The following SNAP91 variants were observed in gnomAD, a reference collection of about 807,000 sequenced individuals.
SNAP91 encodes synaptosome associated protein 91.
Under a neutral mutation model 100.3 loss-of-function variants are expected in SNAP91, and 27 were observed. That is an observed-to-expected ratio of 0.27 (90% confidence interval 0.20 to 0.37). The LOEUF (loss-of-function observed/expected upper bound fraction) is 0.37. SNAP91 is among the 10% of genes least tolerant of loss of function. The probability of loss-of-function intolerance (pLI) is 1.00; values close to 1 mark genes in which losing one functional copy is unlikely to be tolerated. For missense variants in SNAP91, 986 were observed against 1,123.7 expected (o/e 0.88, Z 1.75); for synonymous variants, 404 against 398.6 (o/e 1.01, Z -0.16).
chr6:83,580,617 T>G lies in SNAP91; in HGVS notation c.2150-18A>C. ...ATCAAACACTGGAAATCAAATAGAC[T>G]AGGTTCAGAATAATTGAAAACAAAA... On this transcript the variant is annotated intron_variant, in intron 23 of 29. Coordinates refer to ENST00000369694, the MANE Select transcript of SNAP91 (RefSeq NM_001242792.2). The G allele has an allele frequency of 6.3e-7, 1 of 1,592,622 alleles. No individual in the cohort carries two copies. The highest frequency in any genetic ancestry group is 8.5e-7 in the Non-Finnish European group (1 of 1,171,334).
chr6:83,612,152 A>G (rs2096155448), intron 11 of SNAP91, among the ~76,000 whole-genome samples: 1 of 152,126 alleles, frequency 6.6e-6, no homozygotes, highest in Non-Finnish European at 1.5e-5. Flanking sequence ...CTATATAACA[A>G]GCATAAGGGT....
intron 9 of SNAP91, among the ~76,000 whole-genome samples, chr6:83,622,899 A>C (rs930015630): frequency 6.6e-6 from 1 of 152,100 alleles, no homozygotes; most frequent in African/African-American, 2.4e-5. Context: ...GGTCTCCTTC[A>C]TATCTGGGAC....
intron 8 of SNAP91, among the ~76,000 whole-genome samples, chr6:83,628,279 G>T (rs191690416): frequency 7.1e-6 from 1 of 141,040 alleles, no homozygotes; most frequent in Non-Finnish European, 1.5e-5. Context: ...TGATAGGTAG[G>T]CATTTTGGTT....
rs186421449 is a variant in SNAP91 at position 83,619,780 on chromosome 6, A to G, written c.808-2741T>C. Among the ~76,000 whole-genome samples, 8 of 152,346 alleles carry G rather than the reference A, an allele frequency of 5.3e-5. No individual in the cohort carries two copies. The East Asian group carries it at 9.6e-4, about 18-fold the overall frequency. The stretch of plus-strand genomic sequence containing the variant: ...CCACAAACAGGAAATAATATTAAAA[A>G]ATTCTTTTCTCGGAACAAATTCATA... On this transcript the variant is annotated intron_variant, in intron 9 of 29. Coordinates refer to ENST00000369694, the MANE Select transcript of SNAP91 (RefSeq NM_001242792.2).
intron 10 of SNAP91, among the ~76,000 whole-genome samples, chr6:83,615,188 G>GAGAC (rs2096407602): frequency 6.6e-6 from 1 of 152,024 alleles, no homozygotes; most frequent in Admixed American, 6.6e-5. Context: ...CAGGGCTAAT[G>GAGAC]AGACCCATTC....
intron 2 of SNAP91, among the ~76,000 whole-genome samples, chr6:83,688,750 A>G (rs2099095111): frequency 6.6e-6 from 1 of 152,002 alleles, no homozygotes; most frequent in Admixed American, 6.6e-5. Flanking sequence ...TGATCCACCC[A>G]CTTCAGCCTC....
At chr6:83,620,764 T>A (rs1035869580) in intron 9 of SNAP91, among the ~76,000 whole-genome samples, 1 of 151,698 alleles carries the variant, frequency 6.6e-6, no homozygotes, top group Non-Finnish European at 1.5e-5. Context: ...CAGGCTGGAG[T>A]ACAGTGGCGC....
intron 7 of SNAP91, among the ~76,000 whole-genome samples, chr6:83,651,872 A>G (rs899032127): frequency 6.6e-6 from 1 of 151,962 alleles, no homozygotes; most frequent in Non-Finnish European, 1.5e-5. Flanking sequence ...AGACTCATCT[A>G]TTTCTCCTTG....
At position 83,659,050 on chromosome 6, in the gene SNAP91, T is replaced by A. The variant is rs191843529; in HGVS notation, c.495A>T (p.Leu165=). The change falls in exon 6 of 30, where the codon CTA becomes CTT. Residue 165 remains leucine (L), a synonymous_variant. Transcript: ENST00000369694. ...GTCCCTGTAGTATTGGCATACTCTTTAGCAGCTTTTCGGGAGCCATTGTCC... is the reference window on the plus strand; with the variant it reads ...GTCCCTGTAGTATTGGCATACTCTTAAGCAGCTTTTCGGGAGCCATTGTCC... ...VMRTMAPEKL[L]KSMPILQGQI... 2.5e-6 allele frequency: 4 copies of A among 1,608,088 alleles called. No individual in the cohort carries two copies. The highest frequency in any genetic ancestry group is 3.4e-6 in the Non-Finnish European group (4 of 1,177,198).
chr6:83,592,163 A>G (rs1452256167), intron 21 of SNAP91, among the ~76,000 whole-genome samples: 1 of 152,224 alleles, frequency 6.6e-6, no homozygotes, highest in African/African-American at 2.4e-5. Flanking sequence ...GAACAGTTGA[A>G]GGAAATTCCA....
At chr6:83,588,906 C>A (rs982570391) in intron 22 of SNAP91, among the ~76,000 whole-genome samples, 5 of 152,132 alleles carry the variant, frequency 3.3e-5, no homozygotes, top group African/African-American at 1.2e-4. Context: ...ACCGCTCTGC[C>A]AGGCTACTGT....
In SNAP91 at chr6:83,638,127, G is replaced by A. The variant is rs79206736; in HGVS notation, c.765+2969C>T. Among the ~76,000 whole-genome samples the A allele has an allele frequency of 1.9e-3, 288 of 152,288 alleles. 1 individual carries two copies. Among genetic ancestry groups the A allele is most frequent in the African/African-American group, 6.5e-3 (269 of 41,574 alleles). ...CAGGAACTGCAGAGCAAGATGGAGC[G>A]CCTTGGGGGATGGGCACCTATGGTC... is the stretch of plus-strand genomic sequence containing the variant. On this transcript the variant is annotated intron_variant, in intron 8 of 29. Transcript: ENST00000369694.
chr6:83,592,412 G>GA (rs1221821800), intron 21 of SNAP91, 43 bp downstream of exon 21: 4 of 1,311,330 alleles, frequency 3.1e-6, no homozygotes, highest in South Asian at 1.5e-5. Context: ...TTATTCTGAA[G>GA]AAAAAAAGAT....
intron 14 of SNAP91, among the ~76,000 whole-genome samples, chr6:83,602,681 G>A (rs1262878452): frequency 1.3e-5 from 2 of 152,090 alleles, no homozygotes; most frequent in East Asian, 3.9e-4. Flanking sequence ...TTAGAAATTA[G>A]AGAATTTCTT....
intron 7 of SNAP91, among the ~76,000 whole-genome samples, chr6:83,653,730 T>C (rs2098297090): frequency 6.6e-6 from 1 of 152,192 alleles, no homozygotes. Flanking sequence ...AATAGGTCTT[T>C]ATTAATGTAG....
At chr6:83,573,225 C>T (rs1008001313) in intron 26 of SNAP91, among the ~76,000 whole-genome samples, 1 of 152,074 alleles carries the variant, frequency 6.6e-6, no homozygotes, top group Non-Finnish European at 1.5e-5. Context: ...AATAAAATAC[C>T]TAGGAATCCA....
intron 2 of SNAP91, among the ~76,000 whole-genome samples, chr6:83,679,805 G>A (rs2098962072): frequency 6.6e-6 from 1 of 152,084 alleles, no homozygotes; most frequent in Non-Finnish European, 1.5e-5. Flanking sequence ...GAGCTACCTG[G>A]AGAACTTAAA....
chr6:83,605,854 A>G (rs532785878), intron 13 of SNAP91, 51 bp from the exon 14 acceptor site: 3 of 1,428,640 alleles, frequency 2.1e-6, no homozygotes, highest in Non-Finnish European at 2.8e-6. Flanking sequence ...TTATAACATA[A>G]AGGTGTTTTT....
chr6:83,665,007 GATA>G (rs1199764993), intron 3 of SNAP91, among the ~76,000 whole-genome samples: 2 of 152,070 alleles, frequency 1.3e-5, no homozygotes, highest in Non-Finnish European at 2.9e-5. Flanking sequence ...ATGATCATTT[GATA>G]ATAATTTTTT....
Sources: allele counts gnomAD v4.1 joint callset (sites outside exome capture counted in the v4.1 genomes callset), GRCh38; gene constraint gnomAD v4.1.1; transcripts MANE v1.5; gene names NCBI Gene and HGNC (gene_info 2026-07-23, HGNC 2026-07-21).